Variants in SOCS5 observed in about 807,000 individuals in gnomAD.
SOCS5 encodes suppressor of cytokine signaling 5.
Under a neutral mutation model 42.8 loss-of-function variants are expected in SOCS5, and 32 were observed. The observed-to-expected ratio is 0.75, with a 90% CI of 0.56 to 1.01. The LOEUF (loss-of-function observed/expected upper bound fraction) is 1.01. Ranked by LOEUF, SOCS5 falls within the 50% of genes least tolerant of loss-of-function variation. The pLI is 0.00. For synonymous variants in SOCS5, 283 were observed against 229.6 expected (o/e 1.23, Z -2.10); for missense variants, 627 against 653.0 (o/e 0.96, Z 0.43).
intron 1 of SOCS5, among the ~76,000 whole-genome samples, chr2:46,744,099 C>G (rs1220265050): frequency 6.6e-6 from 1 of 152,084 alleles, no homozygotes; most frequent in African/African-American, 2.4e-5. Flanking sequence ...AAGCGATTCT[C>G]CTCCCTCAGC....
chr2:46,727,582 T>G (rs973509626), intron 1 of SOCS5, among the ~76,000 whole-genome samples: 7 of 152,192 alleles, frequency 4.6e-5, no homozygotes, highest in African/African-American at 1.7e-4. Context: ...TCAGTTTGTT[T>G]TCAAAGCCTG....
intron 1 of SOCS5, among the ~76,000 whole-genome samples, chr2:46,710,235 C>G (rs1350989970): frequency 6.6e-6 from 1 of 152,206 alleles, no homozygotes; most frequent in Non-Finnish European, 1.5e-5. Context: ...CAACCTGCAC[C>G]TCCCAGGTTC....
intron 1 of SOCS5, among the ~76,000 whole-genome samples, chr2:46,718,477 C>G (rs927454247): frequency 3.9e-5 from 6 of 152,158 alleles, no homozygotes; most frequent in Admixed American, 3.3e-4. Flanking sequence ...GGAAAAATAA[C>G]TCAATATCCC....
chr2:46,762,479 A>G lies in SOCS5; in HGVS notation c.*2338A>G, dbSNP rs1044836767. 2 of 166,196 alleles carry G rather than the reference A, an allele frequency of 1.2e-5. No homozygotes were observed. The highest frequency in any genetic ancestry group is 2.4e-5 in the African/African-American group (1 of 41,456). The allele number at this position is 166,196 out of a possible 1,614,324, so 10.3% of individuals were successfully genotyped here. On this transcript the variant is annotated 3_prime_UTR_variant, in exon 2 of 2. Coordinates refer to ENST00000394861, the MANE Select transcript of SOCS5 (RefSeq NM_144949.3). The stretch of plus-strand genomic sequence containing the variant: ...TATTAATGCTTTTATGTATTTCAAA[A>G]CTTTCATATGTTAAATGGAAATTGT...
intron 1 of SOCS5, among the ~76,000 whole-genome samples, chr2:46,727,250 G>T (rs577361059): frequency 6.9e-6 from 1 of 145,848 alleles, no homozygotes; most frequent in Non-Finnish European, 1.5e-5. Flanking sequence ...CCGGGTTCAC[G>T]CCATTCTCCT....
At chr2:46,705,650 C>T (rs989745566) in intron 1 of SOCS5, among the ~76,000 whole-genome samples, 2 of 152,132 alleles carry the variant, frequency 1.3e-5, no homozygotes, top group Non-Finnish European at 2.9e-5. Context: ...TGCATGTGGC[C>T]AAAGGGGTGC....
intron 1 of SOCS5, among the ~76,000 whole-genome samples, chr2:46,743,040 A>C (rs1673413192): frequency 6.6e-6 from 1 of 152,144 alleles, no homozygotes; most frequent in Non-Finnish European, 1.5e-5. Context: ...TTATGGGAAC[A>C]TTTGAGATTA....
rs117848520 is a variant in SOCS5, at chr2:46,731,229, G to T, written c.-12-27290G>T. On this transcript the variant is annotated intron_variant, in intron 1 of 1. Transcript: ENST00000394861. The stretch of plus-strand genomic sequence containing the variant: ...CTTTGAGAGGTGATTAAGTTATGAG[G>T]ATGATACCCTCATGAATGGGATTCG... 2.6e-3 allele frequency among the ~76,000 whole-genome samples: 396 copies of T among 152,200 alleles called. 3 individuals are homozygous for T. In the East Asian group the frequency reaches 0.046, roughly 17 times the overall value.
chr2:46,724,659 A>G (rs1020526720), intron 1 of SOCS5, among the ~76,000 whole-genome samples: 1 of 152,034 alleles, frequency 6.6e-6, no homozygotes, highest in Non-Finnish European at 1.5e-5. Context: ...ATCACTAAAT[A>G]TCTAGATTTT....
In SOCS5 at chr2:46,758,949, A is replaced by G; in HGVS notation, c.419A>G (p.Lys140Arg). 1.2e-6 allele frequency: 2 copies of G among 1,614,004 alleles called. No individual in the cohort carries two copies. The highest frequency in any genetic ancestry group is 1.7e-6 in the Non-Finnish European group (2 of 1,179,860). ...ACCCAGAGTTCATTGGATGCTGATA[A>G]AAAGTTTGGTAGAACTCGAAGTGGA... is the stretch of plus-strand genomic sequence containing the variant. ...TKTQSSLDAD[K>R]KFGRTRSGLQ... is the part of the protein sequence containing the mutation. The change falls in exon 2 of 2, where the codon AAA (lysine) becomes AGA (arginine). Residue 140 changes from lysine to arginine, a missense_variant. Lys to Arg is a conservative substitution (Grantham distance 26). Coordinates refer to ENST00000394861, the MANE Select transcript of SOCS5 (RefSeq NM_144949.3).
Position 46,758,810 on chromosome 2 carries a change from A to G in SOCS5, c.280A>G (p.Ile94Val). The G allele has an allele frequency of 6.2e-7, 1 of 1,614,242 alleles. No individual in the cohort carries two copies. Among genetic ancestry groups the G allele is most frequent in the African/African-American group, 1.3e-5 (1 of 75,080 alleles). ...AATCCCTCAAATTGTTGAAATAAGCATCGAAAAGGATAATGATTCTTGTGT... is the reference window on the plus strand; with the variant it reads ...AATCCCTCAAATTGTTGAAATAAGCGTCGAAAAGGATAATGATTCTTGTGT... ...TEIPQIVEISIEKDNDSCVTP... is the reference protein window; with the variant it reads ...TEIPQIVEISVEKDNDSCVTP... Residue 94 changes from isoleucine (I) to valine (V), a missense_variant, in exon 2 of 2, where the codon ATC becomes GTC. This residue lies in a region of SOCS5 where 278 missense variants were observed against 246.3 expected (regional missense o/e 1.13). Coordinates refer to ENST00000394861, the MANE Select transcript of SOCS5 (RefSeq NM_144949.3).
intron 1 of SOCS5, among the ~76,000 whole-genome samples, chr2:46,701,533 A>G (rs982655927): frequency 6.6e-6 from 1 of 152,116 alleles, no homozygotes; most frequent in Non-Finnish European, 1.5e-5. Context: ...TTGCTTTATC[A>G]CTTTCACACT....
chr2:46,733,568 C>CAAAA (rs1166835596), intron 1 of SOCS5, among the ~76,000 whole-genome samples: 1 of 58,450 alleles, frequency 1.7e-5, no homozygotes, highest in Non-Finnish European at 3.4e-5. Context: ...GACCCTGTCT[C>CAAAA]AAAAAAAAAA....
At chr2:46,719,291 T>C (rs1427208766) in intron 1 of SOCS5, among the ~76,000 whole-genome samples, 1 of 152,190 alleles carries the variant, frequency 6.6e-6, no homozygotes, top group Non-Finnish European at 1.5e-5. Flanking sequence ...TTGAGCTTTA[T>C]AACTAGATTT....
intron 1 of SOCS5, among the ~76,000 whole-genome samples, chr2:46,723,172 A>ATAATT (rs896408367): frequency 5.3e-5 from 8 of 152,168 alleles, no homozygotes; most frequent in African/African-American, 1.7e-4. Context: ...AGTCCAGTTC[A>ATAATT]TAATTTTTTT....
chr2:46,735,630 C>T (rs1190370332), intron 1 of SOCS5, among the ~76,000 whole-genome samples: 1 of 151,876 alleles, frequency 6.6e-6, no homozygotes, highest in South Asian at 2.1e-4. Context: ...CTTTTTATCT[C>T]TAGCACTTTA....
Position 46,758,817 on chromosome 2 carries a change from A to G in SOCS5, c.287A>G (p.Lys96Arg). Residue 96 changes from lysine (K) to arginine (R), a missense_variant, in exon 2 of 2, where the codon AAG becomes AGG. Lys to Arg is a conservative substitution (Grantham distance 26). Transcript: ENST00000394861. Reference protein sequence around the residue: ...IPQIVEISIEKDNDSCVTPGT... With the variant: ...IPQIVEISIERDNDSCVTPGT... The stretch of plus-strand genomic sequence containing the variant: ...CAAATTGTTGAAATAAGCATCGAAA[A>G]GGATAATGATTCTTGTGTTACCCCA... 6.2e-7 allele frequency: 1 copy of G among 1,614,244 alleles called. No homozygotes were observed. Among genetic ancestry groups the G allele is most frequent in the South Asian group, 1.1e-5 (1 of 91,088 alleles).
In SOCS5 at chr2:46,759,285, C is replaced by T; in HGVS notation, c.755C>T (p.Pro252Leu). ...PHSTFFDTFD[P>L]SLVSTEDEED... ...TCAACATTTTTTGATACATTTGATCCATCTTTGGTTTCTACAGAAGATGAA... is the reference window on the plus strand; with the variant it reads ...TCAACATTTTTTGATACATTTGATCTATCTTTGGTTTCTACAGAAGATGAA... Residue 252 changes from proline to leucine, a missense_variant, in exon 2 of 2, where the codon CCA becomes CTA. Physicochemically the swap from Pro to Leu is moderately conservative, Grantham distance 98 (BLOSUM62 -3). Coordinates refer to ENST00000394861, the MANE Select transcript of SOCS5 (RefSeq NM_144949.3). 1.2e-6 allele frequency: 2 copies of T among 1,614,010 alleles called. No homozygotes were observed. The highest frequency in any genetic ancestry group is 1.1e-5 in the South Asian group (1 of 91,076).
chr2:46,734,352 G>C (rs1218026444), intron 1 of SOCS5, among the ~76,000 whole-genome samples: 1 of 152,088 alleles, frequency 6.6e-6, no homozygotes, highest in Non-Finnish European at 1.5e-5. Flanking sequence ...CAAATACCAA[G>C]TTTCTGGTAC....
Sources: gnomAD v4.1 joint callset for allele counts (sites outside exome capture counted in the v4.1 genomes callset) on GRCh38, gnomAD v4.1.1 for gene constraint, gnomAD v4.1.1 regional missense constraint, MANE v1.5 for transcripts, NCBI Gene and HGNC (gene_info 2026-07-23, HGNC 2026-07-21) for gene names.